Variants in RSPH4A observed in about 807,000 individuals in gnomAD.
RSPH4A encodes radial spoke head component 4A.
A neutral mutation model predicts 71.0 loss-of-function variants in RSPH4A; 47 were observed. That is an observed-to-expected ratio of 0.66 (90% CI 0.52 to 0.84). RSPH4A has a LOEUF of 0.84. RSPH4A is among the 40% of genes least tolerant of loss of function. The pLI, the probability that RSPH4A is intolerant of heterozygous loss-of-function variation, is 0.00. For missense variants in RSPH4A, 793 were observed against 855.2 expected (o/e 0.93, Z 0.91); for synonymous variants, 282 against 302.3 (o/e 0.93, Z 0.70).
Position 116,632,449 on chromosome 6 carries a change from A to G in RSPH4A, c.*8A>G, listed in dbSNP as rs575857124. The stretch of plus-strand genomic sequence containing the variant: ...GAAGATGATTATGACTAATAAACAT[A>G]AAATTAGCCTGGTTTTATGTGACAC... On this transcript the variant is annotated 3_prime_UTR_variant, in exon 6 of 6. Coordinates refer to ENST00000229554, the MANE Select transcript of RSPH4A (RefSeq NM_001010892.3). 1.6e-3 allele frequency: 2,602 copies of G among 1,606,566 alleles called. 81 individuals carry two copies. In the South Asian group the frequency reaches 0.028, roughly 17 times the overall value.
chr6:116,624,712 A>G (rs760773654), intron 2 of RSPH4A, among the ~76,000 whole-genome samples: 6 of 152,174 alleles, frequency 3.9e-5, no homozygotes, highest in Non-Finnish European at 8.8e-5. Context: ...ATATGTTTAG[A>G]GTGTTCACGT....
At chr6:116,630,315 G>A in intron 4 of RSPH4A, 120 bp from the exon 5 acceptor site, 3 of 756,346 alleles carry the variant, frequency 4.0e-6, no homozygotes, top group South Asian at 1.4e-5. Flanking sequence ...TCTGTATCAA[G>A]TATGTGTGTA....
chr6:116,616,598 A>G lies in RSPH4A; in HGVS notation c.-26A>G. 1 of 1,587,922 alleles carries G rather than the reference A, an allele frequency of 6.3e-7. No homozygotes were observed. Reference sequence around the variant, plus strand: ...ATATTTTCACGCCCCTTTCATCCAGAACATTTTTTTTCTTGAACTGCTTCC... The same window carrying G: ...ATATTTTCACGCCCCTTTCATCCAGGACATTTTTTTTCTTGAACTGCTTCC... On this transcript the variant is annotated 5_prime_UTR_variant, in exon 1 of 6. Coordinates refer to ENST00000229554, the MANE Select transcript of RSPH4A (RefSeq NM_001010892.3).
At chr6:116,626,377 C>T (rs1251381080) in intron 2 of RSPH4A, among the ~76,000 whole-genome samples, 3 of 151,460 alleles carry the variant, frequency 2.0e-5, no homozygotes, top group Admixed American at 6.6e-5. Flanking sequence ...TTTTTGAGAC[C>T]GTCACCCAGG....
At chr6:116,622,642 T>G (rs1775627912) in intron 1 of RSPH4A, 126 bp from the exon 2 acceptor site, 2 of 658,546 alleles carry the variant, frequency 3.0e-6, no homozygotes, top group Admixed American at 2.7e-5. Flanking sequence ...CTAAGCTATA[T>G]ATTTTGTTTT....
At chr6:116,627,557 T>C (rs1172401926) in intron 2 of RSPH4A, 72 bp from the exon 3 acceptor site, 2 of 1,139,236 alleles carry the variant, frequency 1.8e-6, no homozygotes, top group Middle Eastern at 1.9e-4. Context: ...AATATCGAGA[T>C]ACATGAAAAA....
At chr6:116,626,466 C>T (rs1048251883) in intron 2 of RSPH4A, among the ~76,000 whole-genome samples, 2 of 152,138 alleles carry the variant, frequency 1.3e-5, no homozygotes, top group Non-Finnish European at 2.9e-5. Context: ...CTCAGCCTCC[C>T]GAGTAGCTGG....
intron 1 of RSPH4A, among the ~76,000 whole-genome samples, chr6:116,618,401 A>G: frequency 6.6e-6 from 1 of 152,254 alleles, no homozygotes; most frequent in East Asian, 1.9e-4. Flanking sequence ...AATTTTGTAT[A>G]CCACTATATA....
chr6:116,621,284 A>T (rs1407254794), intron 1 of RSPH4A, among the ~76,000 whole-genome samples: 1 of 152,240 alleles, frequency 6.6e-6, no homozygotes, highest in Non-Finnish European at 1.5e-5. Context: ...TTCTTCAAAT[A>T]CTGTATAATA....
chr6:116,622,711 T>G, intron 1 of RSPH4A, 57 bp from the exon 2 acceptor site: 7 of 1,145,690 alleles, frequency 6.1e-6, no homozygotes, highest in Non-Finnish European at 9.2e-6. Flanking sequence ...CAAAGAAAAA[T>G]GCTTCTTCAA....
At chr6:116,623,555 C>T (rs964149362) in intron 2 of RSPH4A, among the ~76,000 whole-genome samples, 5 of 152,048 alleles carry the variant, frequency 3.3e-5, no homozygotes, top group Non-Finnish European at 7.4e-5. Flanking sequence ...TGTTTGTATG[C>T]TAAGCTCCTT....
At chr6:116,626,537 T>C (rs1775697288) in intron 2 of RSPH4A, among the ~76,000 whole-genome samples, 1 of 152,036 alleles carries the variant, frequency 6.6e-6, no homozygotes, top group Non-Finnish European at 1.5e-5. Context: ...GAGATGGGGT[T>C]TCACCATGTT....
At chr6:116,628,558 A>G (rs753428001) in intron 3 of RSPH4A, among the ~76,000 whole-genome samples, 189 bp downstream of exon 3, 1 of 152,230 alleles carries the variant, frequency 6.6e-6, no homozygotes, top group South Asian at 2.1e-4. Context: ...ATAATTGTCT[A>G]TATAACTGAA....
At chr6:116,623,229 G>A (rs149337105) in intron 2 of RSPH4A, among the ~76,000 whole-genome samples, 2 of 152,160 alleles carry the variant, frequency 1.3e-5, no homozygotes, top group East Asian at 1.9e-4. Flanking sequence ...GGGACTTCAG[G>A]CACGTGCCAC....
chr6:116,618,332 T>C (rs1190690505), intron 1 of RSPH4A, among the ~76,000 whole-genome samples: 1 of 152,220 alleles, frequency 6.6e-6, no homozygotes, highest in Non-Finnish European at 1.5e-5. Flanking sequence ...GAGACAGACT[T>C]ATATTTTAAT....
intron 5 of RSPH4A, among the ~76,000 whole-genome samples, chr6:116,630,926 T>A (rs1349356345): frequency 6.8e-6 from 1 of 147,680 alleles, no homozygotes; most frequent in Non-Finnish European, 1.5e-5. Flanking sequence ...CCTAATCTCA[T>A]GATCCGCCCC....
chr6:116,631,578 A>G (rs1775805211), intron 5 of RSPH4A, among the ~76,000 whole-genome samples: 1 of 152,148 alleles, frequency 6.6e-6, no homozygotes, highest in Admixed American at 6.5e-5. Context: ...GAGAGCAGAG[A>G]AAGGAGGGGC....
intron 1 of RSPH4A, among the ~76,000 whole-genome samples, chr6:116,618,770 T>G (rs1775553069): frequency 6.6e-6 from 1 of 152,218 alleles, no homozygotes; most frequent in Non-Finnish European, 1.5e-5. Context: ...ACCAACTAGG[T>G]GTCCTCCAAT....
At position 116,630,325 on chromosome 6, in the gene RSPH4A, A is replaced by G. The variant is rs1386333901; in HGVS notation, c.1799-110A>G. ...TTCTTTCTGTATCAAGTATGTGTGT[A>G]TCTGTGTGTGTGCATGCATGTGTGT... is the stretch of plus-strand genomic sequence containing the variant. On this transcript the variant is annotated intron_variant, in intron 4 of 5. Transcript: ENST00000229554. 5.2e-6 allele frequency: 4 copies of G among 764,312 alleles called. No homozygotes were observed. In the African/African-American group the frequency reaches 6.8e-5, roughly 13 times the overall value. 47.3% of individuals were successfully genotyped at this position (764,312 alleles called of 1,614,324 possible).
Sources: allele counts gnomAD v4.1 joint callset (sites outside exome capture counted in the v4.1 genomes callset), GRCh38; gene constraint gnomAD v4.1.1; transcripts MANE v1.5; gene names NCBI Gene and HGNC (gene_info 2026-07-23, HGNC 2026-07-21).